CLTRN: variants seen among roughly 807,000 people sequenced by gnomAD.
CLTRN encodes collectrin, amino acid transport regulator.
A neutral mutation model predicts 14.5 loss-of-function variants in CLTRN; 12 were observed. That is an observed-to-expected ratio of 0.83 (90% CI 0.53 to 1.34). CLTRN has a LOEUF of 1.34. Ranked by LOEUF, CLTRN falls within the 40% of genes most tolerant of loss-of-function variation. CLTRN has a pLI of 0.00. For missense variants in CLTRN, 154 were observed against 165.1 expected, an observed-to-expected ratio of 0.93 and a Z score of 0.37; for synonymous variants, 58 against 56.5, an observed-to-expected ratio of 1.03 and a Z score of -0.12.
chrX:15,644,087 T>C (rs773776796), intron 4 of CLTRN, among the ~76,000 whole-genome samples: 8 of 112,119 alleles, frequency 7.1e-5, no homozygotes, highest in South Asian at 3.7e-4. Context: ...GTTTCACTTT[T>C]GAGTTTCTTA....
At chrX:15,665,706 T>G (rs1351114616), upstream of CLTRN, among the ~76,000 whole-genome samples, 1 of 112,504 alleles carries the variant, frequency 8.9e-6, no homozygotes, top group African/African-American at 3.2e-5. Flanking sequence ...TAGGCACATG[T>G]GGCTACTGAC....
At chrX:15,646,462 A>ACCCCCC (rs111413791) in intron 3 of CLTRN, 22 of 177,524 alleles carry the variant, frequency 1.2e-4, no homozygotes, top group East Asian at 3.0e-4. Context: ...CCGCGCACCC[A>ACCCCCC]CCCCCCCGCC....
At chrX:15,648,817 A>T (rs1929151981) in intron 3 of CLTRN, among the ~76,000 whole-genome samples, 2 of 111,654 alleles carry the variant, frequency 1.8e-5, no homozygotes, top group Admixed American at 9.5e-5. Flanking sequence ...CTCAAAAAAA[A>T]AAAGAATAAA....
chrX:15,654,200 G>A (rs1321622467), intron 3 of CLTRN, among the ~76,000 whole-genome samples: 1 of 112,500 alleles, frequency 8.9e-6, no homozygotes, highest in East Asian at 2.8e-4. Flanking sequence ...ACAACAGCAC[G>A]TTGTTCCTTT....
chrX:15,638,743 C>G (rs1928874139), intron 5 of CLTRN, among the ~76,000 whole-genome samples: 1 of 111,824 alleles, frequency 8.9e-6, no homozygotes, highest in African/African-American at 3.3e-5. Context: ...TCAGTAACTT[C>G]CCCACAGGTC....
chrX:15,648,917 T>A (rs181915311), intron 3 of CLTRN, among the ~76,000 whole-genome samples: 1 of 111,836 alleles, frequency 8.9e-6, no homozygotes, highest in Admixed American at 9.5e-5. Context: ...AAATACCAAA[T>A]AGAATTTCAG....
chrX:15,634,829 T>C (rs1386859006), intron 5 of CLTRN, among the ~76,000 whole-genome samples: 1 of 104,375 alleles, frequency 9.6e-6, no homozygotes, highest in Non-Finnish European at 2.0e-5. Context: ...ATATACCTAA[T>C]GCTAGATGAC....
In CLTRN at chrX:15,627,744, A is replaced by G. The variant is rs999746826; in HGVS notation, c.*227T>C. 1 of 265,271 alleles carries G rather than the reference A, an allele frequency of 3.8e-6. No homozygotes were observed. The highest frequency in any genetic ancestry group is 6.6e-6 in the Non-Finnish European group (1 of 150,674). The allele number at this position is 265,271 out of a possible 1,213,427, so 21.9% of individuals were successfully genotyped here. A position where few individuals can be genotyped will look rare whatever the true frequency, so the allele number is the denominator to read the frequency against. ...TACCACATGACCACATTTATACACT[A>G]TACTGTCAGAAAAATATTTTAGAAT... On this transcript the variant is annotated 3_prime_UTR_variant, in exon 6 of 6. Coordinates refer to ENST00000380342, the MANE Select transcript of CLTRN (RefSeq NM_020665.6).
chrX:15,644,306 T>C (rs1429207648), intron 4 of CLTRN, among the ~76,000 whole-genome samples: 2 of 111,788 alleles, frequency 1.8e-5, no homozygotes, highest in African/African-American at 3.3e-5. Context: ...TTCTTGTCCA[T>C]AGAAAATCAA....
intron 3 of CLTRN, among the ~76,000 whole-genome samples, chrX:15,652,670 T>C (rs962193761): frequency 8.9e-6 from 1 of 112,143 alleles, no homozygotes; most frequent in Non-Finnish European, 1.9e-5. Flanking sequence ...ATCATGAACA[T>C]GGTCACACCA....
chrX:15,639,838 T>A, intron 4 of CLTRN, 82 bp from the exon 5 acceptor site: 1 of 916,919 alleles, frequency 1.1e-6, no homozygotes, highest in South Asian at 2.6e-5. Flanking sequence ...TGTTTCTCCA[T>A]GATTATAAAT....
At chrX:15,669,889 T>C (rs923209122) in intron 1 of CLTRN, among the ~76,000 whole-genome samples, 9 of 112,480 alleles carry the variant, frequency 8.0e-5, no homozygotes, top group African/African-American at 2.9e-4. Context: ...TATTGGATTT[T>C]CAGAAATGTT....
intron 2 of CLTRN, among the ~76,000 whole-genome samples, chrX:15,659,704 G>T (rs1434774344): frequency 9.0e-6 from 1 of 111,064 alleles, no homozygotes; most frequent in Non-Finnish European, 1.9e-5. Context: ...CTTAGAAGAG[G>T]AAATCTGGAC....
chrX:15,638,593 C>T (rs1038284231), intron 5 of CLTRN, among the ~76,000 whole-genome samples: 1 of 111,796 alleles, frequency 8.9e-6, no homozygotes. Context: ...AATTATTCTT[C>T]CTTAGTATCA....
At chrX:15,651,821 G>T (rs1269372004) in intron 3 of CLTRN, among the ~76,000 whole-genome samples, 1 of 111,538 alleles carries the variant, frequency 9.0e-6, no homozygotes, top group Non-Finnish European at 1.9e-5. Context: ...TTCCCAGAGA[G>T]ACAAACTGAG....
intron 5 of CLTRN, 41 bp downstream of exon 5, chrX:15,639,521 T>C: frequency 8.9e-7 from 1 of 1,124,204 alleles, no homozygotes; most frequent in South Asian, 1.9e-5. Context: ...CATGAGGAAA[T>C]AAGAAAATGC....
At chrX:15,670,264 G>A (rs1174556556) in intron 1 of CLTRN, among the ~76,000 whole-genome samples, 5 of 107,312 alleles carry the variant, frequency 4.7e-5, no homozygotes, top group African/African-American at 1.0e-4. Context: ...GTGACAGAGC[G>A]AGACTCTGTC....
rs753295306 is a variant in CLTRN at position 15,670,308 on chromosome X, A to AACACACACACAC, written c.-505-2384_-505-2373dup. 7.0e-3 allele frequency among the ~76,000 whole-genome samples: 606 copies of AACACACACACAC among 86,280 alleles called. 10 individuals carry two copies. The East Asian group carries it at 0.077, about 11-fold the overall frequency. The allele number at this position is 86,280 out of a possible 115,157, so 74.9% of individuals were successfully genotyped here. A position where few individuals can be genotyped will look rare whatever the true frequency, so the allele number is the denominator to read the frequency against. On this transcript the variant is annotated intron_variant, in intron 1 of 6. Transcript: ENST00000650271. ...TAAAAAAAACAAAAACCAAAAACAA[A>AACACACACACAC]ACACACACACACACACACACACACA...
upstream of CLTRN, among the ~76,000 whole-genome samples, chrX:15,675,351 C>A (rs1242515818): frequency 3.6e-5 from 4 of 110,724 alleles, no homozygotes; most frequent in Non-Finnish European, 7.6e-5. Context: ...GGAGTAGTGA[C>A]CGGCAAGGGA....
Sources: allele counts gnomAD v4.1 joint callset (sites outside exome capture counted in the v4.1 genomes callset), GRCh38; gene constraint gnomAD v4.1.1; transcripts MANE v1.5; gene names NCBI Gene and HGNC (gene_info 2026-07-23, HGNC 2026-07-21).